RBFOX1: variants seen among roughly 807,000 people sequenced by gnomAD.
RBFOX1 encodes the protein RNA binding fox-1 homolog 1.
Under a neutral mutation model 57.7 loss-of-function variants are expected in RBFOX1, and 8 were observed. The observed-to-expected ratio is 0.14, with a 90% CI of 0.08 to 0.25. The LOEUF (loss-of-function observed/expected upper bound fraction) is 0.25, where lower values mean the gene tolerates loss of function less well. Ranked by LOEUF, RBFOX1 falls within the 10% of genes least tolerant of loss-of-function variation. The pLI, the probability that RBFOX1 is intolerant of heterozygous loss-of-function variation, is 1.00. For missense variants in RBFOX1, 611 were observed against 548.5 expected (o/e 1.11, Z -1.14); for synonymous variants, 326 against 222.4 (o/e 1.47, Z -4.15).
chr16:7,327,053 G>C (rs1214610439), intron 4 of RBFOX1, among the ~76,000 whole-genome samples: 2 of 152,276 alleles, frequency 1.3e-5, no homozygotes, highest in South Asian at 2.1e-4. Flanking sequence ...ATGATATGGT[G>C]TGGGCAGTCT....
chr16:7,041,082 ATTTTTTTTTTTT>A (rs61569211), intron 3 of RBFOX1, among the ~76,000 whole-genome samples: 57 of 109,316 alleles, frequency 5.2e-4, no homozygotes, highest in Non-Finnish European at 8.4e-4. Flanking sequence ...CGCCCAGCTA[ATTTTTTTTTTTT>A]TTTTTTTTTT....
At chr16:6,134,677 C>CA (rs2096653372) in intron 1 of RBFOX1, among the ~76,000 whole-genome samples, 2 of 139,912 alleles carry the variant, frequency 1.4e-5, no homozygotes, top group South Asian at 2.3e-4. Context: ...TGCTTGAACT[C>CA]AGAGTATTTT....
intron 4 of RBFOX1, among the ~76,000 whole-genome samples, chr16:7,135,851 T>A (rs1272476493): frequency 2.0e-5 from 3 of 152,246 alleles, no homozygotes; most frequent in African/African-American, 7.2e-5. Context: ...TCAGGTAGTT[T>A]GGATCTAGAA....
intron 1 of RBFOX1, among the ~76,000 whole-genome samples, chr16:5,340,665 G>T (rs752516378): frequency 2.0e-5 from 3 of 152,202 alleles, no homozygotes; most frequent in Non-Finnish European, 2.9e-5. Context: ...ATAAATCAAG[G>T]CATATAGACA....
intron 4 of RBFOX1, among the ~76,000 whole-genome samples, chr16:7,298,886 C>A (rs981551342): frequency 6.6e-6 from 1 of 152,144 alleles, no homozygotes; most frequent in Admixed American, 6.5e-5. Context: ...GTCTTGCTAT[C>A]TCTGGGTCTC....
chr16:5,853,890 G>T (rs1287897006), intron 3 of RBFOX1, among the ~76,000 whole-genome samples: 1 of 152,288 alleles, frequency 6.6e-6, no homozygotes, highest in East Asian at 1.9e-4. Context: ...CTCCCAAAGT[G>T]CTGAAATTGC....
chr16:5,548,170 A>ATAT (rs1317008346), intron 2 of RBFOX1, among the ~76,000 whole-genome samples: 46 of 40,688 alleles, frequency 1.1e-3, no homozygotes, highest in South Asian at 1.8e-3. Flanking sequence ...AAAAAAAAAA[A>ATAT]AAAAATATAT....
chr16:5,441,109 G>A (rs191009533), intron 1 of RBFOX1, among the ~76,000 whole-genome samples: 1 of 152,298 alleles, frequency 6.6e-6, no homozygotes, highest in East Asian at 1.9e-4. Context: ...ATGTGGTTTG[G>A]ACTAGTCTGG....
intron 3 of RBFOX1, among the ~76,000 whole-genome samples, chr16:6,877,638 A>G (rs973756784): frequency 2.0e-5 from 3 of 152,200 alleles, no homozygotes; most frequent in African/African-American, 4.8e-5. Context: ...TTCACAAAGC[A>G]TTTTTACGGA....
chr16:5,956,897 G>A (rs563243493), intron 4 of RBFOX1, among the ~76,000 whole-genome samples: 240 of 149,860 alleles, frequency 1.6e-3, no homozygotes, highest in Non-Finnish European at 2.7e-3. Flanking sequence ...TTGGTCTCCT[G>A]GTCTCCAGCA....
At chr16:6,232,563 C>G (rs1028373606) in intron 1 of RBFOX1, among the ~76,000 whole-genome samples, 2 of 152,186 alleles carry the variant, frequency 1.3e-5, no homozygotes, top group Non-Finnish European at 2.9e-5. Flanking sequence ...AAAAGCATCT[C>G]TATCTTGCCT....
intron 4 of RBFOX1, among the ~76,000 whole-genome samples, chr16:5,893,418 A>G (rs1398369314): frequency 6.6e-6 from 1 of 152,230 alleles, no homozygotes; most frequent in Non-Finnish European, 1.5e-5. Context: ...AAAAGAGTCT[A>G]ACTGGATTGT....
chr16:5,596,865 G>C (rs916371386), intron 2 of RBFOX1, among the ~76,000 whole-genome samples: 1 of 148,270 alleles, frequency 6.7e-6, no homozygotes, highest in African/African-American at 2.5e-5. Context: ...CTGGAAGCAG[G>C]GGACATCATT....
At chr16:5,263,698 T>C (rs1486906327) in intron 1 of RBFOX1, among the ~76,000 whole-genome samples, 1 of 151,964 alleles carries the variant, frequency 6.6e-6, no homozygotes, top group Non-Finnish European at 1.5e-5. Context: ...AGGGTCAAGG[T>C]ACAGTGATCT....
In RBFOX1 at chr16:7,157,601, C is replaced by A. The variant is rs376295449; in HGVS notation, c.27+105503C>A. Among the ~76,000 whole-genome samples, 4 of 152,130 alleles carry A rather than the reference C, an allele frequency of 2.6e-5. No individual in the cohort carries two copies. In the East Asian group the frequency reaches 7.7e-4, roughly 29 times the overall value. ...AAAATATCCGAATAGGGTCTGGGAGCTCTGAATTTCAAATATCATTGGTTA... is the reference window on the plus strand; with the variant it reads ...AAAATATCCGAATAGGGTCTGGGAGATCTGAATTTCAAATATCATTGGTTA... On this transcript the variant is annotated intron_variant, in intron 4 of 15. Coordinates refer to ENST00000550418, the MANE Select transcript of RBFOX1 (RefSeq NM_018723.4).
At chr16:6,806,832 A>ATTT (rs1230345850) in intron 3 of RBFOX1, among the ~76,000 whole-genome samples, 1 of 75,898 alleles carries the variant, frequency 1.3e-5, no homozygotes, top group African/African-American at 4.7e-5. Flanking sequence ...ATATATATAT[A>ATTT]TATATTTTTT....
chr16:6,517,421 C>G lies in RBFOX1; in HGVS notation c.-63-137182C>G, dbSNP rs188097694. Among the ~76,000 whole-genome samples, 15 of 152,272 alleles carry G rather than the reference C, an allele frequency of 9.9e-5. No individual in the cohort carries two copies. In the South Asian group the frequency reaches 1.5e-3, roughly 15 times the overall value. ...GACAGTTTATTACTCCCTGAAGTCT[C>G]TCTTTCTCCTTCTCTGCTGGACAGA... On this transcript the variant is annotated intron_variant, in intron 2 of 15. Transcript: ENST00000550418.
At chr16:7,517,349 T>C (rs1365351942) in intron 4 of RBFOX1, among the ~76,000 whole-genome samples, 1 of 152,096 alleles carries the variant, frequency 6.6e-6, no homozygotes, top group Non-Finnish European at 1.5e-5. Flanking sequence ...TGAATTGTTA[T>C]ATAATACTCT....
chr16:7,082,853 G>C (rs2059413547), intron 4 of RBFOX1, among the ~76,000 whole-genome samples: 1 of 152,142 alleles, frequency 6.6e-6, no homozygotes, highest in African/African-American at 2.4e-5. Context: ...TAATTATTGT[G>C]TTGAGTTGAT....
Sources: allele counts gnomAD v4.1 joint callset (sites outside exome capture counted in the v4.1 genomes callset), GRCh38; gene constraint gnomAD v4.1.1; transcripts MANE v1.5; gene names NCBI Gene and HGNC (gene_info 2026-07-23, HGNC 2026-07-21).